The following FBXL17 variants were observed in gnomAD, a reference collection of about 807,000 sequenced individuals.
FBXL17 encodes F-box/LRR-repeat protein 17.
In FBXL17, 22 loss-of-function variants were observed where a neutral mutation model predicts 66.2. The ratio of observed to expected loss-of-function variants is 0.33; its 90% CI spans 0.24 to 0.47. The LOEUF (loss-of-function observed/expected upper bound fraction) is 0.47. Among genes scored for constraint, FBXL17 ranks in the 20% least tolerant of loss-of-function variants. The pLI is 1.00. For synonymous variants in FBXL17, 474 were observed against 400.5 expected (o/e 1.18, Z -2.19); for missense variants, 878 against 948.2 (o/e 0.93, Z 0.97).
chr5:108,151,713 G>A (rs1038265305), intron 6 of FBXL17, among the ~76,000 whole-genome samples: 3 of 152,126 alleles, frequency 2.0e-5, no homozygotes, highest in African/African-American at 7.2e-5. Context: ...AAAATGGAAA[G>A]GCAATTTACA....
rs558577066 is a variant in FBXL17 at position 108,124,473 on chromosome 5, C to T, written c.1745+61644G>A. Among the ~76,000 whole-genome samples the T allele has an allele frequency of 2.1e-3, 315 of 152,034 alleles. 1 individual carries two copies. Among genetic ancestry groups the T allele is most frequent in the African/African-American group, 7.4e-3 (306 of 41,500 alleles). Reference sequence around the variant, plus strand: ...ATAATTACTTAAAATTCTAAAACTCCAAACTTAAGCAAATTCAAGAATTTT... The same window carrying T: ...ATAATTACTTAAAATTCTAAAACTCTAAACTTAAGCAAATTCAAGAATTTT... On this transcript the variant is annotated intron_variant, in intron 6 of 8. Coordinates refer to ENST00000542267, the MANE Select transcript of FBXL17 (RefSeq NM_001163315.3).
chr5:108,357,722 G>A (rs113366493), intron 3 of FBXL17, among the ~76,000 whole-genome samples: 1 of 145,214 alleles, frequency 6.9e-6, no homozygotes, highest in African/African-American at 2.7e-5. Flanking sequence ...TAAATAACAC[G>A]TTTTTTTTTT....
At chr5:107,999,130 T>C (rs890841922) in intron 7 of FBXL17, among the ~76,000 whole-genome samples, 2 of 152,210 alleles carry the variant, frequency 1.3e-5, no homozygotes, top group Non-Finnish European at 2.9e-5. Flanking sequence ...AATATCATCA[T>C]ATATTCCACC....
At chr5:108,304,566 AC>A (rs1758747473) in intron 4 of FBXL17, among the ~76,000 whole-genome samples, 3 of 152,018 alleles carry the variant, frequency 2.0e-5, no homozygotes, top group Admixed American at 2.0e-4. Context: ...AAAAATAAAT[AC>A]ACCTATTTGC....
intron 4 of FBXL17, among the ~76,000 whole-genome samples, chr5:108,291,464 T>C (rs890279471): frequency 6.6e-6 from 1 of 152,020 alleles, no homozygotes; most frequent in Admixed American, 6.5e-5. Flanking sequence ...TCTCAAACAG[T>C]TGCCTTAAGT....
chr5:108,341,844 A>G (rs916086881), intron 4 of FBXL17, among the ~76,000 whole-genome samples: 9 of 152,120 alleles, frequency 5.9e-5, no homozygotes, highest in Non-Finnish European at 8.8e-5. Context: ...CATTAGTGCA[A>G]TTACCTTACC....
chr5:107,971,627 G>A (rs1379844751), intron 7 of FBXL17, among the ~76,000 whole-genome samples: 13 of 152,112 alleles, frequency 8.5e-5, no homozygotes, highest in African/African-American at 1.9e-4. Context: ...AGAACTGACC[G>A]TAAATTAGGT....
intron 7 of FBXL17, among the ~76,000 whole-genome samples, chr5:107,913,975 T>C (rs1239513185): frequency 2.7e-5 from 4 of 146,976 alleles, no homozygotes; most frequent in African/African-American, 1.0e-4. Flanking sequence ...TTTTATGAGT[T>C]TTTTTTTTTT....
intron 6 of FBXL17, among the ~76,000 whole-genome samples, chr5:108,152,854 A>G (rs1008014439): frequency 6.6e-6 from 1 of 152,350 alleles, no homozygotes; most frequent in East Asian, 1.9e-4. Flanking sequence ...TTCAGATTTA[A>G]CTGGGCATCT....
intron 5 of FBXL17, among the ~76,000 whole-genome samples, chr5:108,210,943 T>A (rs962145480): frequency 5.9e-5 from 9 of 152,130 alleles, no homozygotes; most frequent in African/African-American, 2.2e-4. Context: ...TGTGTGGGAG[T>A]CTAAGTCTCC....
chr5:108,371,122 A>C (rs1749012062), intron 1 of FBXL17, among the ~76,000 whole-genome samples: 1 of 152,206 alleles, frequency 6.6e-6, no homozygotes, highest in African/African-American at 2.4e-5. Context: ...GAATGTGAGA[A>C]GACTTGATTT....
Position 107,908,736 on chromosome 5 carries a change from T to C in FBXL17, c.1823-27557A>G, listed in dbSNP as rs1338732126. 3.3e-5 allele frequency among the ~76,000 whole-genome samples: 5 copies of C among 152,152 alleles called. No individual in the cohort carries two copies. The East Asian group carries it at 7.7e-4, about 23-fold the overall frequency. ...TTGGGTGGGAATGCTCGTGGTAGAA[T>C]GGAGTTCAATGAGCATATGAGGGAG... is the stretch of plus-strand genomic sequence containing the variant. On this transcript the variant is annotated intron_variant, in intron 7 of 8. Transcript: ENST00000542267.
chr5:108,271,682 T>C (rs1021968902), intron 4 of FBXL17, among the ~76,000 whole-genome samples: 4 of 152,214 alleles, frequency 2.6e-5, no homozygotes, highest in African/African-American at 7.2e-5. Flanking sequence ...CTCAGAAAGA[T>C]ATAAATGCAA....
At chr5:108,303,932 T>C (rs749034928) in intron 4 of FBXL17, among the ~76,000 whole-genome samples, 2 of 151,948 alleles carry the variant, frequency 1.3e-5, no homozygotes, top group Non-Finnish European at 2.9e-5. Flanking sequence ...CTCTGGCATC[T>C]CAAATAACTT....
chr5:108,228,883 C>T (rs1435275751), intron 4 of FBXL17, among the ~76,000 whole-genome samples: 2 of 152,130 alleles, frequency 1.3e-5, no homozygotes, highest in Non-Finnish European at 2.9e-5. Flanking sequence ...TGTTAAGGCT[C>T]TTAACCGAGT....
At chr5:108,043,212 A>C (rs1326420595) in intron 6 of FBXL17, among the ~76,000 whole-genome samples, 1 of 152,186 alleles carries the variant, frequency 6.6e-6, no homozygotes, top group Non-Finnish European at 1.5e-5. Context: ...TTCACATAGC[A>C]AAAGTTTTTA....
At chr5:108,171,824 TTGG>T (rs1278263249) in intron 6 of FBXL17, among the ~76,000 whole-genome samples, 1 of 151,524 alleles carries the variant, frequency 6.6e-6, no homozygotes, top group African/African-American at 2.4e-5. Flanking sequence ...GTGGGAGGAC[TTGG>T]TGGGAGGTAA....
intron 6 of FBXL17, among the ~76,000 whole-genome samples, chr5:108,143,135 C>T (rs1751420815): frequency 6.6e-6 from 1 of 151,856 alleles, no homozygotes; most frequent in Admixed American, 6.6e-5. Flanking sequence ...AACCGCTCCC[C>T]GACCCCGAGT....
chr5:108,305,373 C>T (rs1758789325), intron 4 of FBXL17, among the ~76,000 whole-genome samples: 1 of 151,738 alleles, frequency 6.6e-6, no homozygotes, highest in African/African-American at 2.4e-5. Context: ...GGATGCTGGA[C>T]TTAATAACTA....
Sources: allele counts gnomAD v4.1 joint callset (sites outside exome capture counted in the v4.1 genomes callset), GRCh38; gene constraint gnomAD v4.1.1; transcripts MANE v1.5; gene names NCBI Gene and HGNC (gene_info 2026-07-23, HGNC 2026-07-21).